Variants in PMP22 observed in about 807,000 individuals in gnomAD.
The protein encoded by PMP22 is peripheral myelin protein 22.
A neutral mutation model predicts 18.9 loss-of-function variants in PMP22; 2 were observed. The observed-to-expected ratio is 0.11, with a 90% CI of 0.04 to 0.33. PMP22 has a LOEUF of 0.33. Among genes scored for constraint, PMP22 ranks in the 10% least tolerant of loss-of-function variants. The pLI is 1.00. For synonymous variants in PMP22, 95 were observed against 89.2 expected, an observed-to-expected ratio of 1.07 and a Z score of -0.37; for missense variants, 169 against 202.2, an observed-to-expected ratio of 0.84 and a Z score of 1.00.
chr17:15,256,117 C>A lies in PMP22; in HGVS notation c.178+2977G>T, dbSNP rs144570977. 3.8e-3 allele frequency among the ~76,000 whole-genome samples: 576 copies of A among 152,282 alleles called. 1 individual carries two copies. The Middle Eastern group carries it at 0.041, about 11-fold the overall frequency. On this transcript the variant is annotated intron_variant, in intron 3 of 4. Transcript: ENST00000312280. Reference sequence around the variant, plus strand: ...AAACACATTTAGAAAAACGAGAAGGCAGGCGGAGTCAAAGTCAGTTAGTTA... The same window carrying A: ...AAACACATTTAGAAAAACGAGAAGGAAGGCGGAGTCAAAGTCAGTTAGTTA...
rs188464722 is a variant in PMP22, at chr17:15,238,935, A to G, written c.319+536T>C. Among the ~76,000 whole-genome samples, 274 of 152,354 alleles carry G rather than the reference A, an allele frequency of 1.8e-3. 1 individual carries two copies. The highest frequency in any genetic ancestry group is 2.5e-3 in the Non-Finnish European group (167 of 68,028). Reference sequence around the variant, plus strand: ...AATGAAGACACCAGAGGATGACAACAGTCAATCAAAGCCCAGTAGAATCTA... The same window carrying G: ...AATGAAGACACCAGAGGATGACAACGGTCAATCAAAGCCCAGTAGAATCTA... On this transcript the variant is annotated intron_variant, in intron 4 of 4. Transcript: ENST00000312280.
intron 3 of PMP22, among the ~76,000 whole-genome samples, chr17:15,242,274 AAG>A (rs1283909245): frequency 8.4e-4 from 126 of 149,734 alleles, no homozygotes; most frequent in South Asian, 1.9e-3. Flanking sequence ...AAAAAAAAAA[AAG>A]AGAGACATTG....
chr17:15,232,171 T>C (rs1284356662), intron 4 of PMP22, among the ~76,000 whole-genome samples: 1 of 151,628 alleles, frequency 6.6e-6, no homozygotes, highest in African/African-American at 2.4e-5. Flanking sequence ...TCACTGCTAT[T>C]TGGGCTGCTG....
chr17:15,243,976 T>A (rs571830442), intron 3 of PMP22, among the ~76,000 whole-genome samples: 1 of 151,842 alleles, frequency 6.6e-6, no homozygotes, highest in East Asian at 1.9e-4. Context: ...TATAAACCAG[T>A]GGGGAAAAAT....
chr17:15,245,418 A>G (rs1180644226), intron 3 of PMP22, among the ~76,000 whole-genome samples: 1 of 152,216 alleles, frequency 6.6e-6, no homozygotes, highest in East Asian at 1.9e-4. Flanking sequence ...TGGTTAGGAC[A>G]GCCCAGGCAG....
intron 3 of PMP22, among the ~76,000 whole-genome samples, chr17:15,245,620 T>C (rs60785709): frequency 6.6e-6 from 1 of 152,224 alleles, no homozygotes; most frequent in Non-Finnish European, 1.5e-5. Context: ...AAAAGGCTGA[T>C]GTGAGAAAAC....
At chr17:15,254,410 G>A (rs1908634638) in intron 3 of PMP22, among the ~76,000 whole-genome samples, 2 of 152,160 alleles carry the variant, frequency 1.3e-5, no homozygotes, top group Admixed American at 6.5e-5. Flanking sequence ...TGAGGGACCC[G>A]TGACAATGCT....
chr17:15,246,554 GCTAAA>G, intron 3 of PMP22, among the ~76,000 whole-genome samples: 1 of 152,318 alleles, frequency 6.6e-6, no homozygotes, highest in Non-Finnish European at 1.5e-5. Context: ...ATCCCAAGTG[GCTAAA>G]CTATAGATTA....
chr17:15,234,672 G>A (rs2093914596), intron 4 of PMP22, among the ~76,000 whole-genome samples: 1 of 152,138 alleles, frequency 6.6e-6, no homozygotes, highest in Non-Finnish European at 1.5e-5. Flanking sequence ...CATTGACTCT[G>A]ATTTGGGCAT....
At chr17:15,260,545 C>T (rs1344025168) in intron 2 of PMP22, 105 bp downstream of exon 2, 3 of 988,064 alleles carry the variant, frequency 3.0e-6, no homozygotes, top group Non-Finnish European at 4.7e-6. Flanking sequence ...TCTGAGACTT[C>T]CAACTGTCTG....
intron 3 of PMP22, among the ~76,000 whole-genome samples, chr17:15,246,208 G>C (rs1291729444): frequency 2.0e-5 from 3 of 152,152 alleles, no homozygotes; most frequent in Non-Finnish European, 2.9e-5. Flanking sequence ...TATCTATAAA[G>C]AATCAGAGAG....
intron 3 of PMP22, among the ~76,000 whole-genome samples, chr17:15,256,514 G>A (rs931689291): frequency 1.8e-4 from 28 of 151,990 alleles, no homozygotes; most frequent in Admixed American, 8.5e-4. Flanking sequence ...GGTGTTGGGC[G>A]CCTATAATCC....
At chr17:15,233,191 T>C (rs568672430) in intron 4 of PMP22, among the ~76,000 whole-genome samples, 6 of 152,316 alleles carry the variant, frequency 3.9e-5, no homozygotes, top group African/African-American at 1.4e-4. Flanking sequence ...TGACTCACTT[T>C]CTCAGCAACC....
chr17:15,248,665 A>C (rs1422929498), intron 3 of PMP22, among the ~76,000 whole-genome samples: 2 of 151,960 alleles, frequency 1.3e-5, no homozygotes, highest in African/African-American at 2.4e-5. Context: ...TTGTTTCTCT[A>C]AGAATTGCTC....
intron 1 of PMP22, among the ~76,000 whole-genome samples, chr17:15,262,773 C>A (rs562064334): frequency 6.6e-6 from 1 of 152,328 alleles, no homozygotes; most frequent in Admixed American, 6.5e-5. Flanking sequence ...AAACCAGAGG[C>A]GGCTGAGCTT....
chr17:15,234,680 C>T (rs1289994291), intron 4 of PMP22, among the ~76,000 whole-genome samples: 1 of 152,106 alleles, frequency 6.6e-6, no homozygotes, highest in East Asian at 1.9e-4. Flanking sequence ...CTGATTTGGG[C>T]ATGGCCAGTG....
At chr17:15,253,098 A>G (rs953778785) in intron 3 of PMP22, among the ~76,000 whole-genome samples, 4 of 151,990 alleles carry the variant, frequency 2.6e-5, no homozygotes, top group African/African-American at 9.7e-5. Context: ...TAGATTTTAA[A>G]CTCACCCATA....
At chr17:15,248,951 G>A (rs1908081470) in intron 3 of PMP22, among the ~76,000 whole-genome samples, 1 of 152,198 alleles carries the variant, frequency 6.6e-6, no homozygotes, top group Admixed American at 6.5e-5. Context: ...CATCAGTGGA[G>A]AATGAACAGG....
chr17:15,259,938 C>CAAAAAAAAAAAAAAAAAAAA (rs61415317), intron 2 of PMP22, among the ~76,000 whole-genome samples: 1 of 97,874 alleles, frequency 1.0e-5, no homozygotes, highest in Non-Finnish European at 2.2e-5. Context: ...GACTCCATCT[C>CAAAAAAAAAAAAAAAAAAAA]AAAAAAAAAA....
Sources: allele counts gnomAD v4.1 joint callset (sites outside exome capture counted in the v4.1 genomes callset), GRCh38; gene constraint gnomAD v4.1.1; transcripts MANE v1.5; gene names NCBI Gene and HGNC (gene_info 2026-07-23, HGNC 2026-07-21).